The following PIP variants were observed in gnomAD, a reference collection of about 807,000 sequenced individuals.
PIP encodes prolactin-inducible protein.
In PIP, 9 loss-of-function variants were observed where a neutral mutation model predicts 12.8. The observed-to-expected ratio is 0.70, with a 90% CI of 0.42 to 1.23. The LOEUF is 1.23. Ranked by LOEUF, PIP falls within the 50% of genes most tolerant of loss-of-function variation. The probability of loss-of-function intolerance (pLI) is 0.00; values close to 1 mark genes in which losing one functional copy is unlikely to be tolerated. For synonymous variants in PIP, 60 were observed against 66.1 expected, an observed-to-expected ratio of 0.91 and a Z score of 0.45; for missense variants, 172 against 179.5, an observed-to-expected ratio of 0.96 and a Z score of 0.24.
In PIP at chr7:143,139,718, T is replaced by C; in HGVS notation, c.*76T>C. On this transcript the variant is annotated 3_prime_UTR_variant, in exon 4 of 4. Coordinates refer to ENST00000291009, the MANE Select transcript of PIP (RefSeq NM_002652.3). ...TGGCTGGAATTTCTGCTGTGGTCTA[T>C]AAAATAAACTTCTTAACATGCTTCT... The C allele has an allele frequency of 1.4e-6, 2 of 1,407,184 alleles. No individual in the cohort carries two copies. Among genetic ancestry groups the C allele is most frequent in the Non-Finnish European group, 9.9e-7 (1 of 1,009,842 alleles). 87.2% of individuals were successfully genotyped at this position (1,407,184 alleles called of 1,614,324 possible).
At position 143,132,194 on chromosome 7, in the gene PIP, C is replaced by T. The variant is rs367680918; in HGVS notation, c.78C>T (p.Asn26=). The T allele has an allele frequency of 6.2e-6, 10 of 1,613,504 alleles. No individual in the cohort carries two copies. In the African/African-American group the frequency reaches 1.3e-4, roughly 22 times the overall value. Residue 26 remains asparagine (N), a synonymous_variant, in exon 1 of 4, where the codon AAC becomes AAT. Transcript: ENST00000291009. ...TTCTCTGCCTGCAGTTGGGGGCCAA[C>T]AAAGCTCAGGACAACACGTGAGCCA... is the stretch of plus-strand genomic sequence containing the variant. ...LLVLCLQLGA[N]KAQDNTRKII...
chr7:143,136,266 C>T lies in PIP; in HGVS notation c.201+967C>T, dbSNP rs534303599. 5.3e-5 allele frequency among the ~76,000 whole-genome samples: 8 copies of T among 152,146 alleles called. No individual in the cohort carries two copies. The South Asian group carries it at 1.7e-3, about 32-fold the overall frequency. On this transcript the variant is annotated intron_variant, in intron 2 of 3. Transcript: ENST00000291009. Reference sequence around the variant, plus strand: ...CATGCATCTCCCATCTCCCCTACTCCCTCCCCAGACCCTTCATGAAGGACA... The same window carrying T: ...CATGCATCTCCCATCTCCCCTACTCTCTCCCCAGACCCTTCATGAAGGACA...
chr7:143,139,315 G>A, intron 3 of PIP, 126 bp downstream of exon 3: 1 of 827,438 alleles, frequency 1.2e-6, no homozygotes, highest in Non-Finnish European at 2.1e-6. Flanking sequence ...AGAAGGGAGG[G>A]AGGGAAGAGC....
At chr7:143,134,224 ATATATATATAC>A (rs1799278470) in intron 1 of PIP, among the ~76,000 whole-genome samples, 11 of 102,458 alleles carry the variant, frequency 1.1e-4, no homozygotes, top group South Asian at 2.7e-4. Context: ...ATATATATAT[ATATATATATAC>A]CACAGTTTCT....
intron 2 of PIP, among the ~76,000 whole-genome samples, chr7:143,135,640 G>A (rs1201642554): frequency 6.6e-6 from 1 of 152,046 alleles, no homozygotes; most frequent in East Asian, 1.9e-4. Context: ...AGGATGGAGG[G>A]AGGGGAGTTC....
intron 1 of PIP, among the ~76,000 whole-genome samples, chr7:143,132,438 A>C (rs1055410923): frequency 2.6e-5 from 4 of 152,126 alleles, no homozygotes; most frequent in Non-Finnish European, 5.9e-5. Context: ...GTGGAAATAA[A>C]GCTCCAAATG....
chr7:143,132,211 C>T lies in PIP; in HGVS notation c.95C>T (p.Thr32Ile), dbSNP rs142425119. ...QLGANKAQDN[T>I]RKIIIKNFDI... ...GGGGCCAACAAAGCTCAGGACAACA[C>T]GTGAGCCATGCCCTTCTCCTCCCCA... Residue 32 changes from threonine to isoleucine, a missense_variant and splice_region_variant, in exon 1 of 4, where the codon ACT becomes ATT. Physicochemically the swap from Thr to Ile is moderately conservative, Grantham distance 89. Coordinates refer to ENST00000291009, the MANE Select transcript of PIP (RefSeq NM_002652.3). 24 of 1,613,314 alleles carry T rather than the reference C, an allele frequency of 1.5e-5. 1 individual carries two copies. Among genetic ancestry groups the T allele is most frequent in the East Asian group, 4.5e-5 (2 of 44,890 alleles).
At chr7:143,135,746 G>A (rs1358636028) in intron 2 of PIP, among the ~76,000 whole-genome samples, 3 of 151,930 alleles carry the variant, frequency 2.0e-5, no homozygotes, top group South Asian at 4.1e-4. Flanking sequence ...TAAGCACTGA[G>A]CGACTCTACT....
intron 1 of PIP, 131 bp downstream of exon 1, chr7:143,132,342 G>A: frequency 9.8e-7 from 1 of 1,017,726 alleles, no homozygotes; most frequent in Non-Finnish European, 1.4e-6. Context: ...AGCTCCCATG[G>A]ATCTCCTGCC....
At position 143,132,758 on chromosome 7, in the gene PIP, A is replaced by G. The variant is rs937937587; in HGVS notation, c.95+547A>G. On this transcript the variant is annotated intron_variant, in intron 1 of 3. Transcript: ENST00000291009. ...ATGATGACCTCTTGCTCTCACGTAT[A>G]CTGGGACCTGAGAGCACAGGTTCAG... 2.0e-5 allele frequency among the ~76,000 whole-genome samples: 3 copies of G among 152,106 alleles called. 1 individual carries two copies. The highest frequency in any genetic ancestry group is 2.9e-5 in the Non-Finnish European group (2 of 67,986).
At chr7:143,136,588 T>A (rs896477085) in intron 2 of PIP, among the ~76,000 whole-genome samples, 1 of 152,090 alleles carries the variant, frequency 6.6e-6, no homozygotes, top group Admixed American at 6.6e-5. Flanking sequence ...ATTTTGTTTA[T>A]CACAAACACA....
At position 143,139,738 on chromosome 7, in the gene PIP, G is replaced by T; in HGVS notation, c.*96G>T. ...GTCTATAAAATAAACTTCTTAACATGCTTCTCCATGTTCTGTTGTATCTCC... is the reference window on the plus strand; with the variant it reads ...GTCTATAAAATAAACTTCTTAACATTCTTCTCCATGTTCTGTTGTATCTCC... On this transcript the variant is annotated 3_prime_UTR_variant, in exon 4 of 4. Transcript: ENST00000291009. 1 of 1,196,900 alleles carries T rather than the reference G, an allele frequency of 8.4e-7. No individual in the cohort carries two copies. Among genetic ancestry groups the T allele is most frequent in the East Asian group, 2.4e-5 (1 of 42,392 alleles). The allele number at this position is 1,196,900 out of a possible 1,614,324, so 74.1% of individuals were successfully genotyped here. A position where few individuals can be genotyped will look rare whatever the true frequency, so the allele number is the denominator to read the frequency against.
chr7:143,134,122 T>G (rs781698081), intron 1 of PIP, among the ~76,000 whole-genome samples: 1 of 143,404 alleles, frequency 7.0e-6, no homozygotes, highest in Admixed American at 7.1e-5. Flanking sequence ...TCCAATCTCA[T>G]ACAGGTCACT....
intron 1 of PIP, 24 bp downstream of exon 1, chr7:143,132,235 C>CAAAAAA: frequency 6.2e-7 from 1 of 1,605,832 alleles, no homozygotes. Context: ...TTCTCCTCCC[C>CAAAAAA]ACAAAAAAAA....
At chr7:143,138,486 A>G (rs913868046) in intron 2 of PIP, among the ~76,000 whole-genome samples, 1 of 152,114 alleles carries the variant, frequency 6.6e-6, no homozygotes, top group Non-Finnish European at 1.5e-5. Flanking sequence ...AAAGCACTCA[A>G]GTTAAAAAGA....
chr7:143,135,067 A>T (rs1358652192), intron 1 of PIP, 127 bp from the exon 2 acceptor site: 3 of 519,896 alleles, frequency 5.8e-6, no homozygotes, highest in Non-Finnish European at 1.1e-5. Context: ...AATGCTGAAC[A>T]ATTGATCCAA....
Position 143,132,100 on chromosome 7 carries a change from C to T in PIP, c.-17C>T, listed in dbSNP as rs1360478993. The T allele has an allele frequency of 1.9e-6, 3 of 1,612,552 alleles. No individual in the cohort carries two copies. The highest frequency in any genetic ancestry group is 2.5e-6 in the Non-Finnish European group (3 of 1,178,962). On this transcript the variant is annotated 5_prime_UTR_variant, in exon 1 of 4. Coordinates refer to ENST00000291009, the MANE Select transcript of PIP (RefSeq NM_002652.3). ...ACACCACTTCTCTGGGACACATTGC[C>T]TTCTGTTTTCTCCAGCATGCGCTTG...
chr7:143,138,994 C>T (rs1188233935), intron 2 of PIP, 81 bp from the exon 3 acceptor site: 1 of 784,818 alleles, frequency 1.3e-6, no homozygotes, highest in African/African-American at 1.7e-5. Context: ...TCTCCTCCGG[C>T]TTTTCCCTCT....
In PIP at chr7:143,135,229, A is replaced by G; in HGVS notation, c.131A>G (p.Lys44Arg). The G allele has an allele frequency of 6.3e-7, 1 of 1,598,476 alleles. No individual in the cohort carries two copies. Among genetic ancestry groups the G allele is most frequent in the African/African-American group, 1.3e-5 (1 of 74,856 alleles). ...ATAATAAAGAATTTTGACATTCCCA[A>G]GTCAGTACGTCCAAATGACGAAGTC... ...KIIIKNFDIP[K>R]SVRPNDEVTA... The change falls in exon 2 of 4, where the codon AAG (lysine) becomes AGG (arginine). Residue 44 changes from lysine (K) to arginine (R), a missense_variant. Transcript: ENST00000291009.
Sources: gnomAD v4.1 joint callset for allele counts (sites outside exome capture counted in the v4.1 genomes callset) on GRCh38, gnomAD v4.1.1 for gene constraint, MANE v1.5 for transcripts, NCBI Gene and HGNC (gene_info 2026-07-23, HGNC 2026-07-21) for gene names.